The following FAM135B variants were observed in gnomAD, a reference collection of about 807,000 sequenced individuals.
FAM135B encodes the protein family with sequence similarity 135 member B.
Under a neutral mutation model 127.7 loss-of-function variants are expected in FAM135B, and 43 were observed. That is an observed-to-expected ratio of 0.34 (90% CI 0.26 to 0.43). FAM135B has a LOEUF of 0.43. Among genes scored for constraint, FAM135B ranks in the 20% least tolerant of loss-of-function variants. The pLI is 1.00. For synonymous variants in FAM135B, 670 were observed against 665.1 expected (o/e 1.01, Z -0.11); for missense variants, 1,558 against 1,725.6 (o/e 0.90, Z 1.72).
chr8:138,306,730 G>A (rs1826292486), intron 3 of FAM135B, among the ~76,000 whole-genome samples: 1 of 151,944 alleles, frequency 6.6e-6, no homozygotes, highest in African/African-American at 2.4e-5. Context: ...CTACAGGTGT[G>A]CACCACCACG....
intron 3 of FAM135B, chr8:138,308,955 T>A: frequency 2.2e-6 from 1 of 448,758 alleles, no homozygotes; most frequent in Non-Finnish European, 4.5e-6. Context: ...AAACCCCTGA[T>A]GACATGACCA....
At chr8:138,181,098 G>A (rs747840215) in intron 9 of FAM135B, among the ~76,000 whole-genome samples, 1 of 151,228 alleles carries the variant, frequency 6.6e-6, no homozygotes, top group African/African-American at 2.4e-5. Context: ...AAAAATAGCC[G>A]GGCATGGTGG....
At chr8:138,489,230 A>G (rs564818480) in intron 1 of FAM135B, among the ~76,000 whole-genome samples, 55 of 152,204 alleles carry the variant, frequency 3.6e-4, no homozygotes, top group Non-Finnish European at 5.9e-4. Flanking sequence ...TTCCTCCTGA[A>G]AACCTGTTCT....
chr8:138,360,547 T>C (rs1039817871), intron 2 of FAM135B, among the ~76,000 whole-genome samples: 16 of 152,194 alleles, frequency 1.1e-4, no homozygotes, highest in Admixed American at 9.2e-4. Flanking sequence ...GTTATGAAAG[T>C]AGAAGTCAGG....
chr8:138,423,829 C>G (rs898985693), intron 1 of FAM135B, among the ~76,000 whole-genome samples: 1 of 152,136 alleles, frequency 6.6e-6, no homozygotes, highest in African/African-American at 2.4e-5. Flanking sequence ...ATCCCTACAG[C>G]TCGACCATAA....
intron 1 of FAM135B, among the ~76,000 whole-genome samples, chr8:138,417,695 C>A (rs1346747607): frequency 1.3e-5 from 2 of 152,134 alleles, no homozygotes; most frequent in Non-Finnish European, 2.9e-5. Flanking sequence ...GTGCACACAG[C>A]CCAAGAGTGC....
intron 1 of FAM135B, among the ~76,000 whole-genome samples, chr8:138,448,909 C>G (rs1006089994): frequency 6.6e-6 from 1 of 151,834 alleles, no homozygotes; most frequent in African/African-American, 2.4e-5. Flanking sequence ...AAAAGATGAT[C>G]TTCTATATTT....
At chr8:138,436,929 T>C (rs1271563103) in intron 1 of FAM135B, 3 of 152,236 alleles carry the variant, frequency 2.0e-5, no homozygotes, top group African/African-American at 7.2e-5. Flanking sequence ...GGAGATTTCC[T>C]TGCCTTTGTC....
At chr8:138,258,657 G>C (rs537819593) in intron 4 of FAM135B, among the ~76,000 whole-genome samples, 8 of 152,118 alleles carry the variant, frequency 5.3e-5, no homozygotes, top group Non-Finnish European at 1.0e-4. Context: ...ATAAGCTGTG[G>C]CTAAATTGAG....
At chr8:138,135,505 A>G (rs1385855148) in intron 19 of FAM135B, among the ~76,000 whole-genome samples, 1 of 152,196 alleles carries the variant, frequency 6.6e-6, no homozygotes, top group East Asian at 1.9e-4. Context: ...TTATAAGCAA[A>G]TATCTTTAAA....
intron 3 of FAM135B, among the ~76,000 whole-genome samples, chr8:138,272,817 T>A (rs1823487855): frequency 6.6e-6 from 1 of 152,160 alleles, no homozygotes; most frequent in Non-Finnish European, 1.5e-5. Context: ...AATAACAGAG[T>A]CCAGTGTATG....
chr8:138,144,605 A>G (rs1466402775), intron 15 of FAM135B, among the ~76,000 whole-genome samples: 2 of 152,342 alleles, frequency 1.3e-5, no homozygotes, highest in African/African-American at 2.4e-5. Flanking sequence ...TTAAAAAGTA[A>G]TATCAGGAAC....
rs532621248 is a variant in FAM135B at position 138,289,131 on chromosome 8, C to T, written c.157+21710G>A. On this transcript the variant is annotated intron_variant, in intron 3 of 19. Coordinates refer to ENST00000395297, the MANE Select transcript of FAM135B (RefSeq NM_015912.4). ...TATCTTCATTTCCTTGGCCACAGGT[C>T]CAGTTTCTCTGTAGATGGAAACCTC... is the stretch of plus-strand genomic sequence containing the variant. Among the ~76,000 whole-genome samples, 9 of 152,278 alleles carry T rather than the reference C, an allele frequency of 5.9e-5. No homozygotes were observed. The South Asian group carries it at 1.9e-3, about 32-fold the overall frequency.
intron 7 of FAM135B, among the ~76,000 whole-genome samples, chr8:138,224,381 C>CT (rs1759312643): frequency 6.6e-6 from 1 of 152,132 alleles, no homozygotes. Context: ...TGCACACATG[C>CT]ACACGCACAC....
chr8:138,394,639 T>C (rs1031260751), intron 1 of FAM135B, among the ~76,000 whole-genome samples: 1 of 152,226 alleles, frequency 6.6e-6, no homozygotes, highest in Admixed American at 6.5e-5. Context: ...CTTCCGTGAA[T>C]GTCATATATG....
chr8:138,320,037 C>T (rs566539061), intron 2 of FAM135B, among the ~76,000 whole-genome samples: 1 of 152,302 alleles, frequency 6.6e-6, no homozygotes, highest in Admixed American at 6.5e-5. Context: ...AAGAAACAGA[C>T]TCTTCTACTG....
chr8:138,307,732 TAAAAAAA>T (rs60272179), intron 3 of FAM135B, among the ~76,000 whole-genome samples: 5 of 131,662 alleles, frequency 3.8e-5, no homozygotes, highest in Admixed American at 7.6e-5. Flanking sequence ...CCCATTGTGG[TAAAAAAA>T]AAAAAAAAAA....
intron 1 of FAM135B, chr8:138,440,602 A>T: frequency 6.6e-6 from 1 of 152,036 alleles, no homozygotes; most frequent in Admixed American, 6.5e-5. Flanking sequence ...AGATAACATA[A>T]ATCAGTTCCA....
chr8:138,295,356 A>T (rs1205033872), intron 3 of FAM135B, among the ~76,000 whole-genome samples: 5 of 151,960 alleles, frequency 3.3e-5, no homozygotes, highest in African/African-American at 1.2e-4. Flanking sequence ...GAGAGCCAAC[A>T]TCTCCTTATC....
Sources: gnomAD v4.1 joint callset for allele counts (sites outside exome capture counted in the v4.1 genomes callset) on GRCh38, gnomAD v4.1.1 for gene constraint, MANE v1.5 for transcripts, NCBI Gene and HGNC (gene_info 2026-07-23, HGNC 2026-07-21) for gene names.